Variants in CENPP observed in about 807,000 individuals in gnomAD.
CENPP encodes centromere protein P.
CENPP carries 24 observed loss-of-function variants against 35.6 expected under a neutral mutation model. The observed-to-expected ratio is 0.67, with a 90% CI of 0.49 to 0.95. CENPP has a LOEUF of 0.95. Among genes scored for constraint, CENPP ranks in the 40% least tolerant of loss-of-function variants. CENPP has a pLI of 0.00. For missense variants in CENPP, 332 were observed against 345.3 expected (o/e 0.96, Z 0.31); for synonymous variants, 120 against 125.5 (o/e 0.96, Z 0.29).
Position 92,619,755 on chromosome 9 carries a change from C to T in CENPP, c.*6606C>T. 1 of 612,142 alleles carries T rather than the reference C, an allele frequency of 1.6e-6. No homozygotes were observed. Among genetic ancestry groups the T allele is most frequent in the South Asian group, 1.8e-5 (1 of 54,910 alleles). 37.9% of individuals were successfully genotyped at this position (612,142 alleles called of 1,614,324 possible). On this transcript the variant is annotated 3_prime_UTR_variant, in exon 8 of 8. Transcript: ENST00000375587. ...CTGTGAGAGCACCTGGGCCAGCCCT[C>T]AGTGCCACGGGGCTGCTCAGAGGCC...
intron 6 of CENPP, 23 bp from the exon 7 acceptor site, chr9:92,612,500 G>A (rs748030255): frequency 9.6e-6 from 15 of 1,568,180 alleles, no homozygotes; most frequent in East Asian, 2.2e-5. Flanking sequence ...AGCACATAAC[G>A]ACATGTTTTA....
intron 5 of CENPP, among the ~76,000 whole-genome samples, chr9:92,561,015 A>G (rs10820990): frequency 0.47 from 71,037 of 151,670 alleles, 19,188 homozygotes; most frequent in African/African-American, 0.74. Flanking sequence ...ATACTCACCT[A>G]GTTTCCTCCT....
chr9:92,525,332 A>G (rs1020866231), intron 5 of CENPP, among the ~76,000 whole-genome samples: 6 of 151,804 alleles, frequency 4.0e-5, no homozygotes, highest in East Asian at 1.9e-4. Context: ...AAAAAAAAAG[A>G]AAAGAAAAAA....
intron 5 of CENPP, among the ~76,000 whole-genome samples, chr9:92,457,813 A>G (rs1398896189): frequency 6.6e-6 from 1 of 152,166 alleles, no homozygotes; most frequent in Admixed American, 6.5e-5. Flanking sequence ...TATATACATA[A>G]ATACATACAT....
chr9:92,338,183 G>A (rs1300732260), intron 3 of CENPP, among the ~76,000 whole-genome samples: 3 of 151,920 alleles, frequency 2.0e-5, no homozygotes, highest in Non-Finnish European at 2.9e-5. Context: ...GTGGTGGTGC[G>A]CACCTGTGCT....
In CENPP at chr9:92,619,873, T is replaced by A. The variant is rs1030908036; in HGVS notation, c.*6724T>A. Reference sequence around the variant, plus strand: ...TCTGTCTTCAGCAAGGTCACCACAGTCGGCCTTTGGAAGGAAAAGCAGTAA... The same window carrying A: ...TCTGTCTTCAGCAAGGTCACCACAGACGGCCTTTGGAAGGAAAAGCAGTAA... On this transcript the variant is annotated 3_prime_UTR_variant, in exon 8 of 8. Transcript: ENST00000375587. 1.0e-5 allele frequency: 4 copies of A among 395,984 alleles called. No individual in the cohort carries two copies. The highest frequency in any genetic ancestry group is 7.0e-5 in the Admixed American group (2 of 28,584). 24.5% of individuals were successfully genotyped at this position (395,984 alleles called of 1,614,324 possible). A position where few individuals can be genotyped will look rare whatever the true frequency, so the allele number is the denominator to read the frequency against.
intron 5 of CENPP, among the ~76,000 whole-genome samples, chr9:92,565,488 A>G (rs1439758420): frequency 1.3e-5 from 2 of 152,168 alleles, no homozygotes; most frequent in African/African-American, 4.8e-5. Context: ...TTAACAAAGT[A>G]GTAGCTACCC....
rs1405149562 is a variant in CENPP, at chr9:92,593,829, TA to T, written c.565-17484del. 5.3e-5 allele frequency among the ~76,000 whole-genome samples: 8 copies of T among 152,278 alleles called. No individual in the cohort carries two copies. The highest frequency in any genetic ancestry group is 1.9e-4 in the African/African-American group (8 of 41,554). ...CACTTATTAAAATAACCAAGCATAATAGTTAAACTGGTAGCAGTAGATAAAG... is the reference window on the plus strand; with the variant it reads ...CACTTATTAAAATAACCAAGCATAATGTTAAACTGGTAGCAGTAGATAAAG... On this transcript the variant is annotated intron_variant, in intron 5 of 7. Transcript: ENST00000375587. The surrounding 1 kb of genome is among the most constrained non-coding windows in gnomAD (Gnocchi z 4.1).
intron 5 of CENPP, among the ~76,000 whole-genome samples, chr9:92,501,210 C>A (rs1156496015): frequency 1.3e-5 from 2 of 152,144 alleles, no homozygotes; most frequent in Non-Finnish European, 2.9e-5. Context: ...GTATAGCCAG[C>A]CCTAGTCTCT....
intron 5 of CENPP, among the ~76,000 whole-genome samples, chr9:92,459,277 CA>C (rs1231050977): frequency 3.9e-5 from 6 of 152,204 alleles, no homozygotes; most frequent in Non-Finnish European, 7.3e-5. Context: ...GTTTCCAGAT[CA>C]AAAGGACACG....
At chr9:92,531,451 C>T (rs549803748) in intron 5 of CENPP, among the ~76,000 whole-genome samples, 6 of 152,024 alleles carry the variant, frequency 3.9e-5, no homozygotes, top group Non-Finnish European at 7.4e-5. Context: ...ATTTTTAAAC[C>T]CTCAAAAGAT....
intron 5 of CENPP, among the ~76,000 whole-genome samples, chr9:92,454,372 A>G (rs1255074365): frequency 6.6e-6 from 1 of 152,194 alleles, no homozygotes; most frequent in African/African-American, 2.4e-5. Flanking sequence ...CACTATTCAG[A>G]TCATAGATAA....
rs745368245 is a variant in CENPP, at chr9:92,619,352, T to C, written c.*6203T>C. On this transcript the variant is annotated 3_prime_UTR_variant, in exon 8 of 8. Coordinates refer to ENST00000375587, the MANE Select transcript of CENPP (RefSeq NM_001012267.3). Reference sequence around the variant, plus strand: ...AGTTAGTAAGCCCCATGATGTCACATAGGCCAAGGAAGTTATGTCACTCCG... The same window carrying C: ...AGTTAGTAAGCCCCATGATGTCACACAGGCCAAGGAAGTTATGTCACTCCG... The C allele has an allele frequency of 1.4e-6, 1 of 692,056 alleles. No homozygotes were observed. Among genetic ancestry groups the C allele is most frequent in the Non-Finnish European group, 2.6e-6 (1 of 392,092 alleles). The allele number at this position is 692,056 out of a possible 1,614,324, so 42.9% of individuals were successfully genotyped here.
intron 3 of CENPP, among the ~76,000 whole-genome samples, chr9:92,338,577 G>A (rs184829188): frequency 2.0e-5 from 3 of 151,686 alleles, no homozygotes; most frequent in African/African-American, 2.4e-5. Flanking sequence ...CAACTTGTAC[G>A]TGTTCAGTAC....
chr9:92,547,109 G>A (rs956061206), intron 5 of CENPP, among the ~76,000 whole-genome samples: 1 of 152,142 alleles, frequency 6.6e-6, no homozygotes, highest in African/African-American at 2.4e-5. Context: ...AGAACTAGCG[G>A]CGTAAGTGTA....
rs1564025810 is a variant in CENPP at position 92,618,538 on chromosome 9, C to T, written c.*5389C>T. Reference sequence around the variant, plus strand: ...AGCTGCATCCTTGGTCGGGGGGCTGCTGAACAGTGGTATCTTCGTGGGTTT... The same window carrying T: ...AGCTGCATCCTTGGTCGGGGGGCTGTTGAACAGTGGTATCTTCGTGGGTTT... On this transcript the variant is annotated 3_prime_UTR_variant, in exon 8 of 8. Coordinates refer to ENST00000375587, the MANE Select transcript of CENPP (RefSeq NM_001012267.3). The T allele has an allele frequency of 2.2e-6, 1 of 456,614 alleles. No individual in the cohort carries two copies. The highest frequency in any genetic ancestry group is 4.4e-6 in the Non-Finnish European group (1 of 226,982). 28.3% of individuals were successfully genotyped at this position (456,614 alleles called of 1,614,324 possible).
chr9:92,474,492 C>T, intron 5 of CENPP: 3 of 1,313,662 alleles, frequency 2.3e-6, no homozygotes, highest in Non-Finnish European at 3.0e-6. Context: ...CTGTACTTTC[C>T]ACCTAAAAAC....
intron 5 of CENPP, among the ~76,000 whole-genome samples, chr9:92,539,672 T>C (rs893596514): frequency 6.6e-6 from 1 of 151,468 alleles, no homozygotes; most frequent in Non-Finnish European, 1.5e-5. Context: ...AGGGGAGGAG[T>C]AGTATGGACT....
At chr9:92,529,486 C>A (rs763019071) in intron 5 of CENPP, among the ~76,000 whole-genome samples, 1 of 152,136 alleles carries the variant, frequency 6.6e-6, no homozygotes, top group Non-Finnish European at 1.5e-5. Flanking sequence ...AAATCTATGT[C>A]CACACAAAAA....
Sources: allele counts gnomAD v4.1 joint callset (sites outside exome capture counted in the v4.1 genomes callset), GRCh38; gene constraint gnomAD v4.1.1; non-coding constraint Gnocchi (gnomAD v3.1); transcripts MANE v1.5; gene names NCBI Gene and HGNC (gene_info 2026-07-23, HGNC 2026-07-21).